SLC8A1: variants seen among roughly 807,000 people sequenced by gnomAD.
The protein encoded by SLC8A1 is solute carrier family 8 member A1, also known as sodium/calcium exchanger 1.
In SLC8A1, 18 loss-of-function variants were observed where a neutral mutation model predicts 68.3. The observed-to-expected ratio is 0.26, with a 90% CI of 0.18 to 0.39. The LOEUF (loss-of-function observed/expected upper bound fraction) is 0.39. SLC8A1 is among the 10% of genes least tolerant of loss of function. The pLI is 1.00. For missense variants in SLC8A1, 985 were observed against 1,156.7 expected (o/e 0.85, Z 2.15); for synonymous variants, 475 against 415.5 (o/e 1.14, Z -1.74).
chr2:40,303,243 C>A (rs569158509), intron 2 of SLC8A1, among the ~76,000 whole-genome samples: 1 of 152,294 alleles, frequency 6.6e-6, no homozygotes, highest in Admixed American at 6.5e-5. Flanking sequence ...TTGCCACACC[C>A]CTGTAGCAGG....
chr2:40,154,415 C>T (rs1391452348), intron 6 of SLC8A1, among the ~76,000 whole-genome samples: 15 of 149,200 alleles, frequency 1.0e-4, no homozygotes, highest in African/African-American at 2.7e-4. Flanking sequence ...GGCATTCTCC[C>T]GCCTCAGCTT....
At chr2:40,500,418 A>T (rs1442839340) in intron 1 of SLC8A1, among the ~76,000 whole-genome samples, 1 of 152,116 alleles carries the variant, frequency 6.6e-6, no homozygotes, top group African/African-American at 2.4e-5. Flanking sequence ...TTAACTTATT[A>T]AAAGCCCCAA....
chr2:40,160,312 C>T (rs908664906), intron 6 of SLC8A1, among the ~76,000 whole-genome samples: 2 of 152,160 alleles, frequency 1.3e-5, no homozygotes, highest in African/African-American at 2.4e-5. Context: ...AGTGCAAACA[C>T]GTATTTGTTG....
chr2:40,212,258 G>T (rs1054344416), intron 2 of SLC8A1, among the ~76,000 whole-genome samples: 2 of 144,016 alleles, frequency 1.4e-5, no homozygotes, highest in East Asian at 2.0e-4. Context: ...TTATTTCCAG[G>T]TGCTAAACAG....
At chr2:40,355,537 T>C (rs1223284620) in intron 2 of SLC8A1, among the ~76,000 whole-genome samples, 1 of 152,072 alleles carries the variant, frequency 6.6e-6, no homozygotes, top group Non-Finnish European at 1.5e-5. Context: ...GGTTTTCTAT[T>C]ATAAAATATA....
intron 2 of SLC8A1, among the ~76,000 whole-genome samples, chr2:40,424,532 G>A (rs948794789): frequency 1.5e-4 from 22 of 151,680 alleles, no homozygotes; most frequent in Admixed American, 1.3e-3. Flanking sequence ...GCATCAGACA[G>A]CTATATTGGT....
At chr2:40,339,989 T>C (rs979634218) in intron 2 of SLC8A1, among the ~76,000 whole-genome samples, 1 of 152,232 alleles carries the variant, frequency 6.6e-6, no homozygotes, top group Non-Finnish European at 1.5e-5. Context: ...GAGCTTTTAA[T>C]GTGTACTGTG....
At chr2:40,413,937 G>A (rs996428786) in intron 2 of SLC8A1, among the ~76,000 whole-genome samples, 2 of 152,066 alleles carry the variant, frequency 1.3e-5, no homozygotes, top group African/African-American at 4.8e-5. Flanking sequence ...AGATTGATTT[G>A]CCAACCAACA....
At chr2:40,104,310 G>T (rs1179357162) in exon 8 of SLC8A1, 2 of 152,132 alleles carry the variant, frequency 1.3e-5, no homozygotes, top group Admixed American at 6.6e-5. Flanking sequence ...CCTAGTAAAA[G>T]AATTCAGCAA....
chr2:40,495,912 A>T (rs899639485), intron 1 of SLC8A1, among the ~76,000 whole-genome samples: 2 of 152,058 alleles, frequency 1.3e-5, no homozygotes, highest in Non-Finnish European at 2.9e-5. Flanking sequence ...CAGTTGGTAG[A>T]TGCCAGAAAT....
Position 40,366,236 on chromosome 2 carries a change from T to C in SLC8A1, c.1808+62237A>G, listed in dbSNP as rs79865257. 2.3e-3 allele frequency among the ~76,000 whole-genome samples: 351 copies of C among 152,188 alleles called. 3 individuals are homozygous for C. Among genetic ancestry groups the C allele is most frequent in the African/African-American group, 8.2e-3 (340 of 41,552 alleles). The stretch of plus-strand genomic sequence containing the variant: ...AACATATAGTATGCACTCAACAATG[T>C]TAACTTTTTAACATTATTAAGTTTT... On this transcript the variant is annotated intron_variant, in intron 2 of 7. Transcript: ENST00000406785.
chr2:40,338,845 C>T (rs1289471295), intron 2 of SLC8A1, among the ~76,000 whole-genome samples: 7 of 152,164 alleles, frequency 4.6e-5, no homozygotes, highest in Admixed American at 1.3e-4. Context: ...ATAGCTGTGA[C>T]TTGAAATATT....
chr2:40,237,462 C>T (rs1345650996), intron 2 of SLC8A1, among the ~76,000 whole-genome samples: 1 of 152,154 alleles, frequency 6.6e-6, no homozygotes, highest in East Asian at 1.9e-4. Flanking sequence ...CCATCAGCTA[C>T]TTTAAGCATT....
chr2:40,274,661 T>G (rs1481067312), intron 2 of SLC8A1, among the ~76,000 whole-genome samples: 3 of 152,224 alleles, frequency 2.0e-5, no homozygotes, highest in African/African-American at 7.2e-5. Flanking sequence ...GTTATTTTCT[T>G]TAGAAAATTC....
At chr2:40,372,274 A>G (rs959133862) in intron 2 of SLC8A1, among the ~76,000 whole-genome samples, 5 of 152,128 alleles carry the variant, frequency 3.3e-5, no homozygotes, top group African/African-American at 1.2e-4. Context: ...AGAGGGGGAG[A>G]AAAAATAAAC....
intron 2 of SLC8A1, among the ~76,000 whole-genome samples, chr2:40,332,795 A>T (rs887715060): frequency 1.3e-5 from 2 of 152,224 alleles, no homozygotes; most frequent in African/African-American, 4.8e-5. Context: ...AATAAAGTAG[A>T]TTGATTAGCT....
chr2:40,128,295 A>G (rs2038575575), intron 7 of SLC8A1, among the ~76,000 whole-genome samples: 1 of 152,224 alleles, frequency 6.6e-6, no homozygotes, highest in Non-Finnish European at 1.5e-5. Context: ...AGACATGGCA[A>G]TGAAGTTTTG....
At chr2:40,462,361 T>G (rs1703400157) in intron 1 of SLC8A1, among the ~76,000 whole-genome samples, 1 of 152,058 alleles carries the variant, frequency 6.6e-6, no homozygotes, top group African/African-American at 2.4e-5. Context: ...CTTAATCAAC[T>G]ATAACTAAAT....
chr2:40,312,365 T>C (rs1032448061), intron 2 of SLC8A1, among the ~76,000 whole-genome samples: 1 of 152,102 alleles, frequency 6.6e-6, no homozygotes, highest in Non-Finnish European at 1.5e-5. Flanking sequence ...ACTATTTTCA[T>C]CATAGGTTAT....
Sources: allele counts gnomAD v4.1 joint callset (sites outside exome capture counted in the v4.1 genomes callset), GRCh38; gene constraint gnomAD v4.1.1; transcripts MANE v1.5; gene names NCBI Gene and HGNC (gene_info 2026-07-23, HGNC 2026-07-21).